Variants in FADS2 observed in about 807,000 individuals in gnomAD.
The protein encoded by FADS2 is acyl-CoA 6-desaturase.
Under a neutral mutation model 61.2 loss-of-function variants are expected in FADS2, and 18 were observed. The observed-to-expected ratio is 0.29, with a 90% CI of 0.20 to 0.44. The LOEUF is 0.44. Ranked by LOEUF, FADS2 falls within the 20% of genes least tolerant of loss-of-function variation. FADS2 has a pLI of 1.00. For missense variants in FADS2, 322 were observed against 572.7 expected, an observed-to-expected ratio of 0.56 and a Z score of 4.47; for synonymous variants, 203 against 223.9, an observed-to-expected ratio of 0.91 and a Z score of 0.83.
Position 61,816,751 on chromosome 11 carries a change from G to T in FADS2, c.141+325G>T, listed in dbSNP as rs2066988453. ...CGCGGTCTCGGCGGCCACCGGGTCG[G>T]GGGCCATAGCTGGCCTGGCGACGCC... On this transcript the variant is annotated intron_variant, in intron 1 of 11. Coordinates refer to the FADS2 transcript ENST00000257261. The surrounding 1 kb of genome is among the most constrained non-coding windows in gnomAD (Gnocchi z 7.0). The T allele has an allele frequency of 6.5e-7, 1 of 1,549,122 alleles. No homozygotes were observed. Among genetic ancestry groups the T allele is most frequent in the African/African-American group, 1.4e-5 (1 of 73,320 alleles).
At chr11:61,856,954 C>A in intron 5 of FADS2, 57 bp from the exon 6 acceptor site, 1 of 1,387,162 alleles carries the variant, frequency 7.2e-7, no homozygotes, top group Non-Finnish European at 1.0e-6. Flanking sequence ...GGTTGGGGAA[C>A]ATGGGAGGCT....
intron 7 of FADS2, among the ~76,000 whole-genome samples, chr11:61,860,453 T>A (rs1363719770): frequency 6.6e-6 from 1 of 152,240 alleles, no homozygotes; most frequent in Admixed American, 6.5e-5. Flanking sequence ...TTTTGCTGTA[T>A]CTGACACCAC....
chr11:61,848,119 G>C, intron 4 of FADS2, 40 bp from the exon 5 acceptor site: 2 of 1,613,744 alleles, frequency 1.2e-6, no homozygotes, highest in Non-Finnish European at 1.7e-6. Context: ...CGGTTCCCTG[G>C]TGGCTTGCAT....
intron 5 of FADS2, among the ~76,000 whole-genome samples, chr11:61,851,336 C>A (rs1157035417): frequency 1.3e-5 from 2 of 152,224 alleles, no homozygotes; most frequent in South Asian, 4.1e-4. Context: ...CCTTTCCCGA[C>A]ATCTTCTCAC....
At chr11:61,850,761 A>G (rs535164505) in intron 5 of FADS2, among the ~76,000 whole-genome samples, 1 of 152,338 alleles carries the variant, frequency 6.6e-6, no homozygotes, top group African/African-American at 2.4e-5. Flanking sequence ...AGGAGCCACA[A>G]AGCCATGCAT....
intron 4 of FADS2, among the ~76,000 whole-genome samples, chr11:61,842,754 A>T (rs1268259749): frequency 2.6e-5 from 4 of 152,240 alleles, no homozygotes; most frequent in African/African-American, 7.2e-5. Flanking sequence ...CAGAGCACGG[A>T]GGTCAAGCTT....
rs1406737027 is a variant in FADS2 at position 61,816,945 on chromosome 11, G to A, written c.141+519G>A. The A allele has an allele frequency of 3.6e-6, 5 of 1,376,296 alleles. No individual in the cohort carries two copies. In the Admixed American group the frequency reaches 1.9e-4, roughly 53 times the overall value. 85.3% of individuals were successfully genotyped at this position (1,376,296 alleles called of 1,614,324 possible). A position where few individuals can be genotyped will look rare whatever the true frequency, so the allele number is the denominator to read the frequency against. On this transcript the variant is annotated intron_variant, in intron 1 of 11. Coordinates refer to the FADS2 transcript ENST00000257261. The surrounding 1 kb of genome is among the most constrained non-coding windows in gnomAD (Gnocchi z 7.0). Reference sequence around the variant, plus strand: ...GCGTTCCCATTGGCCGAGCCTCGTGGCGCGGGGAGCGAGATCCCGTCCCCC... The same window carrying A: ...GCGTTCCCATTGGCCGAGCCTCGTGACGCGGGGAGCGAGATCCCGTCCCCC...
At position 61,857,073 on chromosome 11, in the gene FADS2, T is replaced by A; in HGVS notation, c.805+2T>A. ...ACCAGCACGAATACTTCTTCCTGAG[T>A]GAGTGCTCGGCGCCCCGAAATCACT... On this transcript the variant is annotated splice_donor_variant, in intron 6 of 11. Transcript: ENST00000278840. LOFTEE classifies it high-confidence loss of function. 1.2e-6 allele frequency: 2 copies of A among 1,613,548 alleles called. No individual in the cohort carries two copies. The highest frequency in any genetic ancestry group is 1.7e-6 in the Non-Finnish European group (2 of 1,179,650).
Position 61,828,444 on chromosome 11 carries a change from G to T in FADS2, c.54G>T (p.Val18=), listed in dbSNP as rs2067101556. 1 of 1,596,658 alleles carries T rather than the reference G, an allele frequency of 6.3e-7. No homozygotes were observed. The highest frequency in any genetic ancestry group is 1.3e-5 in the African/African-American group (1 of 74,876). ...GEGAAEREVS[V]PTFSWEEIQK... is the part of the protein sequence containing the mutation. Reference sequence around the variant, plus strand: ...GGGCCGCCGAGCGCGAGGTGTCGGTGCCCACCTTCAGCTGGGAGGAGATTC... The same window carrying T: ...GGGCCGCCGAGCGCGAGGTGTCGGTTCCCACCTTCAGCTGGGAGGAGATTC... The change falls in exon 1 of 12, where the codon GTG becomes GTT. Residue 18 remains valine (V), a synonymous_variant. Transcript: ENST00000278840. The surrounding 1 kb of genome is among the most constrained non-coding windows in gnomAD (Gnocchi z 6.4).
chr11:61,863,617 G>A, intron 9 of FADS2, 90 bp from the exon 10 acceptor site: 1 of 1,122,740 alleles, frequency 8.9e-7, no homozygotes, highest in South Asian at 1.3e-5. Context: ...GGGTGGCCTG[G>A]AGACCCTGGG....
In FADS2 at chr11:61,865,971, G is replaced by A. The variant is rs1377145335; in HGVS notation, c.*282G>A. 1.8e-5 allele frequency: 9 copies of A among 508,240 alleles called. No homozygotes were observed. Among genetic ancestry groups the A allele is most frequent in the East Asian group, 8.8e-5 (3 of 34,064 alleles). The allele number at this position is 508,240 out of a possible 1,614,324, so 31.5% of individuals were successfully genotyped here. Reference sequence around the variant, plus strand: ...TCCAAGGAGCAGAGAGGTGGCCACCGGGGGTGGCTCTGTCCTACCTCCACT... The same window carrying A: ...TCCAAGGAGCAGAGAGGTGGCCACCAGGGGTGGCTCTGTCCTACCTCCACT... On this transcript the variant is annotated 3_prime_UTR_variant, in exon 12 of 12. Transcript: ENST00000278840. This position sits in a 1 kb window ranked among gnomAD's most constrained non-coding sequence, Gnocchi z 4.1.
intron 7 of FADS2, among the ~76,000 whole-genome samples, chr11:61,858,086 C>T (rs966077332): frequency 5.9e-5 from 9 of 152,130 alleles, no homozygotes; most frequent in African/African-American, 1.9e-4. Flanking sequence ...GGCCTCTCAT[C>T]GGCTGGTTGA....
intron 5 of FADS2, among the ~76,000 whole-genome samples, chr11:61,850,440 G>A (rs1379609271): frequency 3.9e-5 from 6 of 151,984 alleles, no homozygotes; most frequent in Non-Finnish European, 7.4e-5. Context: ...TAGTAGAGAC[G>A]GGGTTTCACC....
rs1405719435 is a variant in FADS2 at position 61,816,670 on chromosome 11, C to G, written c.141+244C>G. On this transcript the variant is annotated intron_variant, in intron 1 of 11. Coordinates refer to the FADS2 transcript ENST00000257261. The surrounding 1 kb of genome is among the most constrained non-coding windows in gnomAD (Gnocchi z 7.0). Reference sequence around the variant, plus strand: ...GATCACTAGCCACCGCTCCTCGCACCCTGAGCGCTGGGCCACCTCGTCCCA... The same window carrying G: ...GATCACTAGCCACCGCTCCTCGCACGCTGAGCGCTGGGCCACCTCGTCCCA... The G allele has an allele frequency of 1.9e-6, 3 of 1,595,248 alleles. No homozygotes were observed. Among genetic ancestry groups the G allele is most frequent in the Non-Finnish European group, 2.6e-6 (3 of 1,171,680 alleles).
intron 10 of FADS2, chr11:61,864,186 G>GT (rs551908563): frequency 0.064 from 9,292 of 144,724 alleles, 832 homozygotes; most frequent in Admixed American, 0.26. Context: ...TCTTGTCACT[G>GT]TTTTTTTTTT....
intron 5 of FADS2, among the ~76,000 whole-genome samples, chr11:61,850,820 C>A (rs1335144354): frequency 1.3e-5 from 2 of 152,150 alleles, no homozygotes; most frequent in African/African-American, 4.8e-5. Flanking sequence ...TTTTCCCTCA[C>A]TAAGGAGTGG....
chr11:61,849,935 G>A (rs1047041855), intron 5 of FADS2: 4 of 152,168 alleles, frequency 2.6e-5, no homozygotes, highest in African/African-American at 9.7e-5. Flanking sequence ...GGAGGCTGAG[G>A]TGGGGGAATC....
At position 61,816,575 on chromosome 11, in the gene FADS2, A is replaced by G. The variant is rs768649670; in HGVS notation, c.141+149A>G. 1 of 1,608,556 alleles carries G rather than the reference A, an allele frequency of 6.2e-7. No individual in the cohort carries two copies. The highest frequency in any genetic ancestry group is 1.1e-5 in the South Asian group (1 of 90,282). Reference sequence around the variant, plus strand: ...CTCACCGTGGCATCCTGCCCGGCGTAGTGGCTGATGACCCGGGAGCCCCCT... The same window carrying G: ...CTCACCGTGGCATCCTGCCCGGCGTGGTGGCTGATGACCCGGGAGCCCCCT... On this transcript the variant is annotated intron_variant, in intron 1 of 11. Coordinates refer to the FADS2 transcript ENST00000257261. This position sits in a 1 kb window ranked among gnomAD's most constrained non-coding sequence, Gnocchi z 7.0.
chr11:61,824,492 A>C (rs56837744), upstream of FADS2, among the ~76,000 whole-genome samples: 1 of 11,628 alleles, frequency 8.6e-5, no homozygotes, highest in Non-Finnish European at 3.4e-4. Context: ...GAGAGAGAGA[A>C]AGAAAGAAAG....
Sources: allele counts gnomAD v4.1 joint callset (sites outside exome capture counted in the v4.1 genomes callset), GRCh38; gene constraint gnomAD v4.1.1; non-coding constraint Gnocchi (gnomAD v3.1); transcripts MANE v1.5; gene names NCBI Gene and HGNC (gene_info 2026-07-23, HGNC 2026-07-21).